Variants in R3HCC1L observed in about 807,000 individuals in gnomAD.
The protein encoded by R3HCC1L is R3H domain and coiled-coil containing 1 like.
A neutral mutation model predicts 59.9 loss-of-function variants in R3HCC1L; 51 were observed. The ratio of observed to expected loss-of-function variants is 0.85; its 90% CI spans 0.68 to 1.07. The LOEUF is 1.07. Ranked by LOEUF, R3HCC1L falls within the 50% of genes least tolerant of loss-of-function variation. The pLI is 0.00. For missense variants in R3HCC1L, 965 were observed against 933.0 expected, an observed-to-expected ratio of 1.03 and a Z score of -0.45; for synonymous variants, 322 against 315.2, an observed-to-expected ratio of 1.02 and a Z score of -0.23.
Position 98,233,929 on chromosome 10 carries a change from C to T in R3HCC1L, c.1962-517C>T, listed in dbSNP as rs1458682677. On this transcript the variant is annotated intron_variant, in intron 6 of 9. Coordinates refer to ENST00000298999, the MANE Select transcript of R3HCC1L (RefSeq NM_001351015.2). ...GATTATAGTTGCCCCCTTTTTTCCC[C>T]GTTACTTGACTTTTTTAAAAAAATT... Among the ~76,000 whole-genome samples the T allele has an allele frequency of 6.6e-5, 10 of 151,914 alleles. No individual in the cohort carries two copies. The East Asian group carries it at 1.7e-3, about 26-fold the overall frequency.
In R3HCC1L at chr10:98,148,588, A is replaced by G. The variant is rs558802080; in HGVS notation, c.-267-7505A>G. Among the ~76,000 whole-genome samples the G allele has an allele frequency of 2.2e-3, 338 of 152,278 alleles. 2 individuals carry two copies. Among genetic ancestry groups the G allele is most frequent in the Non-Finnish European group, 4.0e-3 (272 of 67,998 alleles). ...ACCCAATGTGCTGAGGGTTTTTATCATAAAGGGATATTAGATTTTATTGAA... is the reference window on the plus strand; with the variant it reads ...ACCCAATGTGCTGAGGGTTTTTATCGTAAAGGGATATTAGATTTTATTGAA... On this transcript the variant is annotated intron_variant, in intron 1 of 9. Coordinates refer to ENST00000298999, the MANE Select transcript of R3HCC1L (RefSeq NM_001351015.2).
At chr10:98,200,345 CAG>C (rs1166600104) in intron 4 of R3HCC1L, among the ~76,000 whole-genome samples, 3 of 152,086 alleles carry the variant, frequency 2.0e-5, no homozygotes, top group African/African-American at 4.8e-5. Context: ...CTAGTAGAAA[CAG>C]ATATCAGGGG....
intron 1 of R3HCC1L, among the ~76,000 whole-genome samples, chr10:98,148,784 T>C (rs1845892653): frequency 6.6e-6 from 1 of 152,022 alleles, no homozygotes. Context: ...AATTTGATCT[T>C]CTAGTATTTT....
At chr10:98,183,489 T>C (rs1041983081) in intron 4 of R3HCC1L, among the ~76,000 whole-genome samples, 1 of 152,120 alleles carries the variant, frequency 6.6e-6, no homozygotes, top group African/African-American at 2.4e-5. Flanking sequence ...TTCTCTGAGC[T>C]TTTTGGATTC....
intron 1 of R3HCC1L, among the ~76,000 whole-genome samples, chr10:98,145,810 G>A (rs1845593250): frequency 6.6e-6 from 1 of 152,064 alleles, no homozygotes. Flanking sequence ...TTAGGTGGGT[G>A]TGGTGGTGCA....
At chr10:98,182,600 G>C (rs973008536) in intron 4 of R3HCC1L, among the ~76,000 whole-genome samples, 1 of 152,198 alleles carries the variant, frequency 6.6e-6, no homozygotes, top group Non-Finnish European at 1.5e-5. Context: ...TAAGTCTGCA[G>C]AAGTTTCTGC....
intron 1 of R3HCC1L, among the ~76,000 whole-genome samples, chr10:98,136,574 G>A (rs977331068): frequency 6.6e-6 from 1 of 152,128 alleles, no homozygotes. Flanking sequence ...GGTGCCTCAC[G>A]CCTGTAATCC....
intron 1 of R3HCC1L, among the ~76,000 whole-genome samples, chr10:98,138,082 A>G (rs1044492532): frequency 2.0e-5 from 3 of 152,172 alleles, no homozygotes; most frequent in African/African-American, 7.2e-5. Context: ...TTATAGAGAA[A>G]AATGGTTTGT....
intron 4 of R3HCC1L, among the ~76,000 whole-genome samples, chr10:98,186,993 A>G (rs1850283622): frequency 6.6e-6 from 1 of 152,094 alleles, no homozygotes; most frequent in African/African-American, 2.4e-5. Context: ...TGTCTGTAAA[A>G]TGGTGATAAT....
intron 2 of R3HCC1L, among the ~76,000 whole-genome samples, chr10:98,157,712 T>C (rs1847021410): frequency 6.6e-6 from 1 of 152,238 alleles, no homozygotes; most frequent in Non-Finnish European, 1.5e-5. Context: ...TGTCTATCCT[T>C]GTGGATTTAT....
chr10:98,240,378 G>C (rs1201569590), intron 9 of R3HCC1L, among the ~76,000 whole-genome samples: 2 of 152,192 alleles, frequency 1.3e-5, no homozygotes, highest in African/African-American at 4.8e-5. Context: ...CACTCATCCA[G>C]ATATTTGATT....
intron 1 of R3HCC1L, among the ~76,000 whole-genome samples, chr10:98,147,467 C>T (rs1323466552): frequency 1.3e-5 from 2 of 152,034 alleles, no homozygotes; most frequent in Non-Finnish European, 2.9e-5. Flanking sequence ...TGAGGTCTTA[C>T]ACAAAAAATC....
chr10:98,183,958 G>GTTTTTTT lies in R3HCC1L; in HGVS notation c.-15+20570_-15+20576dup, dbSNP rs71007380. On this transcript the variant is annotated intron_variant, in intron 4 of 9. Coordinates refer to ENST00000298999, the MANE Select transcript of R3HCC1L (RefSeq NM_001351015.2). ...TTTTTTTTTCTTTGCTCCTTTTTCG[G>GTTTTTTT]TTTTTTTTTTTTTTTGGTTGAAATC... is the stretch of plus-strand genomic sequence containing the variant. Among the ~76,000 whole-genome samples, 322 of 126,534 alleles carry GTTTTTTT rather than the reference G, an allele frequency of 2.5e-3. 5 individuals are homozygous for GTTTTTTT. The highest frequency in any genetic ancestry group is 0.017 in the Middle Eastern group (4 of 240). 83.0% of individuals were successfully genotyped at this position (126,534 alleles called of 152,430 possible).
intron 5 of R3HCC1L, among the ~76,000 whole-genome samples, chr10:98,219,026 G>A (rs531432409): frequency 2.6e-4 from 39 of 152,104 alleles, no homozygotes; most frequent in African/African-American, 8.4e-4. Flanking sequence ...ATTCTTCTGC[G>A]CCAGCTTCCT....
chr10:98,195,594 C>A (rs7082394), intron 4 of R3HCC1L, among the ~76,000 whole-genome samples: 32,193 of 92,048 alleles, frequency 0.35, 3,675 homozygotes, highest in African/African-American at 0.38. Context: ...AAAATACACA[C>A]AAAAAAAAAC....
At chr10:98,169,603 C>T (rs142876344) in intron 4 of R3HCC1L, among the ~76,000 whole-genome samples, 23 of 152,296 alleles carry the variant, frequency 1.5e-4, no homozygotes, top group Non-Finnish European at 2.4e-4. Flanking sequence ...CACAATTAGA[C>T]ATGGTTCATC....
At chr10:98,153,202 C>T (rs182748201) in intron 1 of R3HCC1L, among the ~76,000 whole-genome samples, 179 of 152,290 alleles carry the variant, frequency 1.2e-3, no homozygotes, top group African/African-American at 4.0e-3. Flanking sequence ...ATAGAGAATT[C>T]AGATTGTTGC....
At chr10:98,168,462 A>G (rs1190195677) in intron 4 of R3HCC1L, among the ~76,000 whole-genome samples, 6 of 152,108 alleles carry the variant, frequency 3.9e-5, no homozygotes, top group Admixed American at 3.9e-4. Flanking sequence ...GAATTGTGTT[A>G]TGTCGTGAGA....
At chr10:98,171,755 C>G (rs1848533995) in intron 4 of R3HCC1L, among the ~76,000 whole-genome samples, 1 of 152,110 alleles carries the variant, frequency 6.6e-6, no homozygotes. Flanking sequence ...TTTCTTCCAG[C>G]CACACCAGTG....
Sources: allele counts gnomAD v4.1 joint callset (sites outside exome capture counted in the v4.1 genomes callset), GRCh38; gene constraint gnomAD v4.1.1; transcripts MANE v1.5; gene names NCBI Gene and HGNC (gene_info 2026-07-23, HGNC 2026-07-21).